The following CNN3 variants were observed in gnomAD, a reference collection of about 807,000 sequenced individuals.
CNN3 encodes the protein calponin-3.
CNN3 carries 11 observed loss-of-function variants against 39.0 expected under a neutral mutation model. The observed-to-expected ratio is 0.28, with a 90% CI of 0.18 to 0.47. The LOEUF (loss-of-function observed/expected upper bound fraction) is 0.47. Ranked by LOEUF, CNN3 falls within the 20% of genes least tolerant of loss-of-function variation. The pLI, the probability that CNN3 is intolerant of heterozygous loss-of-function variation, is 0.99. For synonymous variants in CNN3, 101 were observed against 138.3 expected, an observed-to-expected ratio of 0.73 and a Z score of 1.89; for missense variants, 266 against 403.4, an observed-to-expected ratio of 0.66 and a Z score of 2.92.
At chr1:94,907,971 G>A (rs546942256) in intron 1 of CNN3, among the ~76,000 whole-genome samples, 17 of 152,144 alleles carry the variant, frequency 1.1e-4, no homozygotes, top group Admixed American at 8.5e-4. Context: ...AGCTGCTTTC[G>A]CAGACTTTCT....
chr1:94,917,375 T>G (rs1209966291), intron 1 of CNN3, among the ~76,000 whole-genome samples: 1 of 152,150 alleles, frequency 6.6e-6, no homozygotes, highest in Non-Finnish European at 1.5e-5. Context: ...AAATAATTTG[T>G]GGAAAAAACG....
intron 1 of CNN3, among the ~76,000 whole-genome samples, chr1:94,906,837 G>T (rs987631446): frequency 1.3e-5 from 2 of 152,204 alleles, no homozygotes; most frequent in African/African-American, 4.8e-5. Flanking sequence ...TAATATTTAA[G>T]CAGAAAAACA....
At position 94,926,957 on chromosome 1, in the gene CNN3, CG is replaced by C. The variant is rs1671602879; in HGVS notation, c.-64del. The C allele has an allele frequency of 5.1e-6, 8 of 1,557,196 alleles. No homozygotes were observed. Among genetic ancestry groups the C allele is most frequent in the Non-Finnish European group, 7.0e-6 (8 of 1,140,122 alleles). On this transcript the variant is annotated 5_prime_UTR_variant, in exon 1 of 7. Transcript: ENST00000370206. The surrounding 1 kb of genome is among the most constrained non-coding windows in gnomAD (Gnocchi z 4.2). ...CGGGGTCTCTCGCACTTCGCTTCCCCGCTCCTGGCCCCGAGGAGTGGCCGCC... is the reference window on the plus strand; with the variant it reads ...CGGGGTCTCTCGCACTTCGCTTCCCCCTCCTGGCCCCGAGGAGTGGCCGCC...
At chr1:94,910,439 C>T (rs1671129870) in intron 1 of CNN3, among the ~76,000 whole-genome samples, 1 of 150,402 alleles carries the variant, frequency 6.6e-6, no homozygotes, top group African/African-American at 2.4e-5. Flanking sequence ...AACATGGTCC[C>T]AAAATAGGAA....
intron 6 of CNN3, 31 bp downstream of exon 6, chr1:94,899,340 T>G: frequency 6.3e-7 from 1 of 1,592,926 alleles, no homozygotes. Flanking sequence ...GTAAGTGTAC[T>G]CTTGTACACG....
At chr1:94,907,120 T>C (rs1671021306) in intron 1 of CNN3, among the ~76,000 whole-genome samples, 1 of 152,168 alleles carries the variant, frequency 6.6e-6, no homozygotes, top group Non-Finnish European at 1.5e-5. Context: ...CCTTGAGACT[T>C]ACCATATGAC....
intron 1 of CNN3, chr1:94,925,588 A>T: frequency 1.0e-6 from 1 of 983,636 alleles, no homozygotes; most frequent in Non-Finnish European, 1.2e-6. Context: ...GGGAGACAAG[A>T]GCCACAACTC....
At chr1:94,920,295 C>A (rs1259786363) in intron 1 of CNN3, among the ~76,000 whole-genome samples, 1 of 152,144 alleles carries the variant, frequency 6.6e-6, no homozygotes, top group African/African-American at 2.4e-5. Context: ...AGATCACATT[C>A]CTGACACAGA....
chr1:94,921,189 G>A (rs570932752), intron 1 of CNN3, among the ~76,000 whole-genome samples: 6 of 152,276 alleles, frequency 3.9e-5, no homozygotes, highest in South Asian at 4.1e-4. Context: ...GAGGTCAGGC[G>A]TTTGAGACCA....
intron 1 of CNN3, among the ~76,000 whole-genome samples, chr1:94,916,903 T>A (rs1005597439): frequency 6.6e-6 from 1 of 152,232 alleles, no homozygotes; most frequent in Non-Finnish European, 1.5e-5. Context: ...TTGCTGGCCA[T>A]TCCAATCAAG....
chr1:94,899,591 T>C (rs1670812686), intron 5 of CNN3, 74 bp from the exon 6 acceptor site: 4 of 1,495,328 alleles, frequency 2.7e-6, no homozygotes, highest in African/African-American at 1.4e-5. Context: ...AAACTTTCCA[T>C]GCTACCAAAA....
rs528665009 is a variant in CNN3, at chr1:94,912,423, C to G, written c.58-8899G>C. ...AGCCTGCTCCCACTCCATCCCCACC[C>G]AGAGGGCAAGGATCTATTACTGGCT... On this transcript the variant is annotated intron_variant, in intron 1 of 6. Transcript: ENST00000370206. 3.9e-5 allele frequency among the ~76,000 whole-genome samples: 6 copies of G among 152,324 alleles called. No homozygotes were observed. In the South Asian group the frequency reaches 1.0e-3, roughly 26 times the overall value.
At chr1:94,899,186 C>CGA (rs1557906709) in intron 6 of CNN3, among the ~76,000 whole-genome samples, 185 bp downstream of exon 6, 1 of 152,142 alleles carries the variant, frequency 6.6e-6, no homozygotes, top group Non-Finnish European at 1.5e-5. Flanking sequence ...ACAAAAACCA[C>CGA]GAGACACATC....
intron 1 of CNN3, among the ~76,000 whole-genome samples, chr1:94,918,835 G>C (rs770808117): frequency 4.0e-5 from 6 of 151,390 alleles, no homozygotes; most frequent in African/African-American, 1.5e-4. Context: ...TAGAGTTGCA[G>C]TGAGCCAAGA....
chr1:94,898,743 C>A (rs978293155), intron 6 of CNN3, among the ~76,000 whole-genome samples: 1 of 152,120 alleles, frequency 6.6e-6, no homozygotes, highest in Admixed American at 6.5e-5. Flanking sequence ...ATGCCGCACC[C>A]GGTAGGATGT....
chr1:94,916,157 C>T (rs1341302594), intron 1 of CNN3, among the ~76,000 whole-genome samples: 1 of 152,198 alleles, frequency 6.6e-6, no homozygotes, highest in Admixed American at 6.5e-5. Context: ...GTACTCTCTC[C>T]TAACCCCTGG....
intron 1 of CNN3, among the ~76,000 whole-genome samples, chr1:94,911,255 C>T (rs1421823658): frequency 1.3e-5 from 2 of 152,178 alleles, no homozygotes; most frequent in African/African-American, 4.8e-5. Flanking sequence ...AGGAACTAGA[C>T]ATTTAAAAGC....
At chr1:94,920,622 AG>A (rs1166595917) in intron 1 of CNN3, among the ~76,000 whole-genome samples, 1 of 152,152 alleles carries the variant, frequency 6.6e-6, no homozygotes, top group Admixed American at 6.5e-5. Flanking sequence ...TTTACATACA[AG>A]ACAGGCAGGT....
At chr1:94,914,035 G>A (rs547938179) in intron 1 of CNN3, among the ~76,000 whole-genome samples, 1 of 152,246 alleles carries the variant, frequency 6.6e-6, no homozygotes, top group East Asian at 1.9e-4. Context: ...GGTGAAAATA[G>A]AGATGTTCCT....
Sources: allele counts gnomAD v4.1 joint callset (sites outside exome capture counted in the v4.1 genomes callset), GRCh38; gene constraint gnomAD v4.1.1; non-coding constraint Gnocchi (gnomAD v3.1); transcripts MANE v1.5; gene names NCBI Gene and HGNC (gene_info 2026-07-23, HGNC 2026-07-21).